Variants in SUPV3L1 observed in about 807,000 individuals in gnomAD.
SUPV3L1 encodes the protein Suv3 like RNA helicase.
Under a neutral mutation model 70.0 loss-of-function variants are expected in SUPV3L1, and 35 were observed. The ratio of observed to expected loss-of-function variants is 0.50; its 90% CI spans 0.38 to 0.66. The LOEUF is 0.66. Ranked by LOEUF, SUPV3L1 falls within the 30% of genes least tolerant of loss-of-function variation. The probability of loss-of-function intolerance (pLI) is 0.00; values close to 1 mark genes in which losing one functional copy is unlikely to be tolerated. For synonymous variants in SUPV3L1, 364 were observed against 341.9 expected (o/e 1.06, Z -0.71); for missense variants, 777 against 961.5 (o/e 0.81, Z 2.54).
intron 13 of SUPV3L1, among the ~76,000 whole-genome samples, chr10:69,203,440 G>A (rs1842737417): frequency 6.6e-6 from 1 of 152,030 alleles, no homozygotes; most frequent in Non-Finnish European, 1.5e-5. Flanking sequence ...GAGGCGGGTG[G>A]ATCACTTGAG....
intron 10 of SUPV3L1, among the ~76,000 whole-genome samples, chr10:69,199,700 A>C (rs560368932): frequency 3.3e-5 from 5 of 151,858 alleles, no homozygotes; most frequent in Non-Finnish European, 7.4e-5. Flanking sequence ...GGACGTTTGA[A>C]TGCTGCCCAC....
intron 13 of SUPV3L1, among the ~76,000 whole-genome samples, chr10:69,206,719 G>A (rs1205513466): frequency 6.6e-6 from 1 of 152,054 alleles, no homozygotes; most frequent in East Asian, 1.9e-4. Flanking sequence ...TATATAATAA[G>A]GGAGGACAGC....
intron 4 of SUPV3L1, 30 bp from the exon 5 acceptor site, chr10:69,189,237 G>A (rs1039881006): frequency 1.9e-6 from 3 of 1,600,270 alleles, no homozygotes; most frequent in Non-Finnish European, 2.6e-6. Flanking sequence ...GAGGTTAATG[G>A]ATTAAGCTGT....
chr10:69,201,349 G>C (rs10998638), intron 11 of SUPV3L1, among the ~76,000 whole-genome samples: 34,759 of 151,874 alleles, frequency 0.23, 4,269 homozygotes, highest in African/African-American at 0.27. Flanking sequence ...TGTCCTAACG[G>C]TGTAATGTGT....
At chr10:69,182,818 A>G (rs993705252) in intron 1 of SUPV3L1, among the ~76,000 whole-genome samples, 1 of 152,226 alleles carries the variant, frequency 6.6e-6, no homozygotes, top group African/African-American at 2.4e-5. Flanking sequence ...AATCAGGACA[A>G]GAAGCTGTCA....
At chr10:69,182,753 A>G (rs1283539154) in intron 1 of SUPV3L1, 2 of 862,670 alleles carry the variant, frequency 2.3e-6, no homozygotes, top group Non-Finnish European at 2.8e-6. Context: ...ATGGTGCATT[A>G]CTACACTCTG....
In SUPV3L1 at chr10:69,207,789, TCA is replaced by T; in HGVS notation, c.1777-3_1777-2del. 6.2e-7 allele frequency: 1 copy of T among 1,610,370 alleles called. No homozygotes were observed. The highest frequency in any genetic ancestry group is 8.5e-7 in the Non-Finnish European group (1 of 1,178,516). ...CTGAAACCCTTTTCCTCTTTCTCTC[TCA>T]GTTTGCCAGGCAGTATAGCAGGAAT... is the stretch of plus-strand genomic sequence containing the variant. On this transcript the variant is annotated splice_acceptor_variant and splice_polypyrimidine_tract_variant and intron_variant, in intron 13 of 14. Coordinates refer to ENST00000359655, the MANE Select transcript of SUPV3L1 (RefSeq NM_003171.5). LOFTEE classifies it high-confidence loss of function.
Position 69,199,521 on chromosome 10 carries a change from A to G in SUPV3L1, c.1298+324A>G, listed in dbSNP as rs563468754. Among the ~76,000 whole-genome samples, 25 of 152,142 alleles carry G rather than the reference A, an allele frequency of 1.6e-4. 1 individual carries two copies. In the South Asian group the frequency reaches 2.9e-3, roughly 18 times the overall value. ...CTCAGCCTCCAGAGTAGCTGGGACCACAGGTGCACACCACAAAGCCTGGTT... is the reference window on the plus strand; with the variant it reads ...CTCAGCCTCCAGAGTAGCTGGGACCGCAGGTGCACACCACAAAGCCTGGTT... On this transcript the variant is annotated intron_variant, in intron 10 of 14. Transcript: ENST00000359655.
chr10:69,188,524 A>C lies in SUPV3L1; in HGVS notation c.573-743A>C, dbSNP rs532844291. Among the ~76,000 whole-genome samples the C allele has an allele frequency of 2.6e-5, 3 of 115,316 alleles. No individual in the cohort carries two copies. In the South Asian group the frequency reaches 8.5e-4, roughly 33 times the overall value. The allele number at this position is 115,316 out of a possible 152,430, so 75.7% of individuals were successfully genotyped here. On this transcript the variant is annotated intron_variant, in intron 4 of 14. Transcript: ENST00000359655. ...TTTTTTTTGTTTGTTTTTGAGAGAG[A>C]GTCTCACTCTGTCACCCAGGCTGGA...
chr10:69,201,846 C>CTTT (rs11459312), intron 11 of SUPV3L1, among the ~76,000 whole-genome samples: 56 of 142,156 alleles, frequency 3.9e-4, no homozygotes, highest in South Asian at 9.1e-4. Context: ...GCCGTAAAAT[C>CTTT]TTTTTTTTTT....
chr10:69,189,871 C>G (rs1842344671), intron 5 of SUPV3L1, among the ~76,000 whole-genome samples: 1 of 152,152 alleles, frequency 6.6e-6, no homozygotes, highest in Non-Finnish European at 1.5e-5. Flanking sequence ...TGGTCTCAAT[C>G]TCCTGACCTC....
In SUPV3L1 at chr10:69,189,391, C is replaced by T; in HGVS notation, c.697C>T (p.Leu233=). ...AAAGTCTGGAGTGTATTGTGGCCCT[C>T]TAAAATTACTGGCACATGAGATCTT... ...SAKSGVYCGP[L]KLLAHEIFEK... is the part of the protein sequence containing the mutation. The change falls in exon 5 of 15, where the codon CTA becomes TTA. Residue 233 remains leucine, a synonymous_variant. Coordinates refer to ENST00000359655, the MANE Select transcript of SUPV3L1 (RefSeq NM_003171.5). 6.2e-7 allele frequency: 1 copy of T among 1,612,798 alleles called. No homozygotes were observed. Among genetic ancestry groups the T allele is most frequent in the Non-Finnish European group, 8.5e-7 (1 of 1,179,448 alleles).
At chr10:69,196,886 G>A in intron 7 of SUPV3L1, 106 bp from the exon 8 acceptor site, 1 of 910,106 alleles carries the variant, frequency 1.1e-6, no homozygotes, top group South Asian at 1.5e-5. Context: ...ACTTGGTAAG[G>A]TTGTAAAGCA....
chr10:69,189,766 C>G (rs1564702827), intron 5 of SUPV3L1, among the ~76,000 whole-genome samples: 1 of 151,600 alleles, frequency 6.6e-6, no homozygotes, highest in Non-Finnish European at 1.5e-5. Flanking sequence ...CTTGCCTCAG[C>G]CTCCCCAGTA....
chr10:69,198,281 T>G, intron 8 of SUPV3L1, 91 bp from the exon 9 acceptor site: 1 of 1,216,470 alleles, frequency 8.2e-7, no homozygotes, highest in Non-Finnish European at 1.1e-6. Flanking sequence ...TTTTAGCTAC[T>G]CTTAACTGCA....
intron 1 of SUPV3L1, among the ~76,000 whole-genome samples, chr10:69,180,964 G>A (rs1365200634): frequency 6.6e-6 from 1 of 152,136 alleles, no homozygotes; most frequent in Admixed American, 6.5e-5. Context: ...TATCATTGAG[G>A]AGGCGCCGAC....
chr10:69,197,231 T>C, intron 8 of SUPV3L1, 148 bp downstream of exon 8: 1 of 641,856 alleles, frequency 1.6e-6, no homozygotes, highest in Non-Finnish European at 2.7e-6. Flanking sequence ...AGACCATATA[T>C]ATTTGATTGA....
At chr10:69,186,604 T>C in intron 3 of SUPV3L1, 54 bp downstream of exon 3, 2 of 1,424,088 alleles carry the variant, frequency 1.4e-6, no homozygotes, top group Non-Finnish European at 2.0e-6. Context: ...CTATTTCTTC[T>C]CATACTTCAT....
chr10:69,191,648 T>C lies in SUPV3L1; in HGVS notation c.742-7T>C. The C allele has an allele frequency of 6.2e-7, 1 of 1,612,540 alleles. No homozygotes were observed. Among genetic ancestry groups the C allele is most frequent in the Non-Finnish European group, 8.5e-7 (1 of 1,178,904 alleles). On this transcript the variant is annotated splice_region_variant and splice_polypyrimidine_tract_variant and intron_variant, in intron 5 of 14. Transcript: ENST00000359655. The stretch of plus-strand genomic sequence containing the variant: ...CAATAATTCTAGTTTTTTTTCTGTC[T>C]TTCTAGGGTGTGCCATGTGACTTGG...
Sources: gnomAD v4.1 joint callset for allele counts (sites outside exome capture counted in the v4.1 genomes callset) on GRCh38, gnomAD v4.1.1 for gene constraint, MANE v1.5 for transcripts, NCBI Gene and HGNC (gene_info 2026-07-23, HGNC 2026-07-21) for gene names.